The following USH2A variants were observed in gnomAD, a reference collection of about 807,000 sequenced individuals.
The protein encoded by USH2A is Usher syndrome 2A (autosomal recessive, mild).
A neutral mutation model predicts 538.9 loss-of-function variants in USH2A; 443 were observed. That is an observed-to-expected ratio of 0.82 (90% CI 0.76 to 0.89). USH2A has a LOEUF of 0.89. USH2A is among the 40% of genes least tolerant of loss of function. The pLI is 0.00. For missense variants in USH2A, 6,633 were observed against 6,324.8 expected, an observed-to-expected ratio of 1.05 and a Z score of -1.65; for synonymous variants, 2,413 against 2,273.5, an observed-to-expected ratio of 1.06 and a Z score of -1.75.
Position 215,900,830 on chromosome 1 carries a change from G to C in USH2A, c.7376C>G (p.Ala2459Gly), listed in dbSNP as rs1281618285. ...GGGAGAGCCAGGAGCGTTATTACGA[G>C]CTGGTGTAGACCAGACAACCTGAAG... The part of the protein sequence containing the change: ...TSLQVVWSTP[A>G]RNNAPGSPRY... The change falls in exon 39 of 72, where the codon GCT becomes GGT. Residue 2459 changes from alanine to glycine, a missense_variant. Transcript: ENST00000307340. 10 of 1,613,734 alleles carry C rather than the reference G, an allele frequency of 6.2e-6. No individual in the cohort carries two copies. In the Admixed American group the frequency reaches 6.7e-5, roughly 11 times the overall value.
intron 4 of USH2A, among the ~76,000 whole-genome samples, chr1:216,350,883 C>T (rs540502188): frequency 3.5e-4 from 54 of 152,298 alleles, no homozygotes; most frequent in Non-Finnish European, 6.3e-4. Flanking sequence ...TTCCCCTTTT[C>T]GCTGCCCTAA....
intron 61 of USH2A, among the ~76,000 whole-genome samples, chr1:215,695,249 G>C (rs1013351017): frequency 3.9e-5 from 6 of 152,184 alleles, no homozygotes; most frequent in Admixed American, 3.9e-4. Flanking sequence ...ATATAAGATG[G>C]AGAAGGGCAG....
chr1:215,874,470 T>G (rs982962177), intron 43 of USH2A, among the ~76,000 whole-genome samples: 8 of 152,194 alleles, frequency 5.3e-5, no homozygotes, highest in African/African-American at 1.9e-4. Flanking sequence ...GAGACTGTTT[T>G]GTACATGTAG....
At chr1:216,295,077 T>G (rs1432845535) in intron 9 of USH2A, among the ~76,000 whole-genome samples, 3 of 151,822 alleles carry the variant, frequency 2.0e-5, no homozygotes, top group Non-Finnish European at 3.0e-5. Context: ...TAATTATCTT[T>G]TTACTCATTT....
chr1:216,204,728 A>T (rs2035075011), intron 16 of USH2A, among the ~76,000 whole-genome samples: 1 of 152,190 alleles, frequency 6.6e-6, no homozygotes, highest in African/African-American at 2.4e-5. Context: ...CATGTTACAC[A>T]TGCTAGCCAC....
At position 215,728,403 on chromosome 1, in the gene USH2A, G is replaced by A; in HGVS notation, c.11712-19C>T. ...AGGGCGTCTGAAAGGAAACCAAGCA[G>A]GCAACCAGTGACAGCTGCACACTTC... is the stretch of plus-strand genomic sequence containing the variant. On this transcript the variant is annotated intron_variant, in intron 60 of 71. Transcript: ENST00000307340. 1 of 1,611,918 alleles carries A rather than the reference G, an allele frequency of 6.2e-7. No individual in the cohort carries two copies. Among genetic ancestry groups the A allele is most frequent in the Non-Finnish European group, 8.5e-7 (1 of 1,178,638 alleles).
chr1:216,401,048 C>T (rs1297335900), intron 3 of USH2A, among the ~76,000 whole-genome samples: 1 of 152,006 alleles, frequency 6.6e-6, no homozygotes, highest in African/African-American at 2.4e-5. Context: ...GACTTTCCCT[C>T]TTATTAGTTT....
Position 215,647,655 on chromosome 1 carries a change from C to A in USH2A, c.14658G>T (p.Lys4886Asn), listed in dbSNP as rs1394766722. The change falls in exon 67 of 72, where the codon AAG becomes AAT. Residue 4886 changes from lysine to asparagine, a missense_variant. Transcript: ENST00000307340. The stretch of plus-strand genomic sequence containing the variant: ...TGGCTTTCTGCCCCAGCCCCGTGTA[C>A]TTTGTTTCTATTTGGCTGGGAGTAC... ...LPCTPSQIET[K>N]YTGLGQKASL... The A allele has an allele frequency of 2.5e-6, 4 of 1,614,028 alleles. No individual in the cohort carries two copies. The African/African-American group carries it at 4.0e-5, about 16-fold the overall frequency.
At chr1:216,151,767 C>T (rs1048793846) in intron 21 of USH2A, among the ~76,000 whole-genome samples, 1 of 152,122 alleles carries the variant, frequency 6.6e-6, no homozygotes, top group Admixed American at 6.5e-5. Context: ...TGTATGACAA[C>T]ATAAAAAAAC....
Position 216,000,470 on chromosome 1 carries a change from G to C in USH2A, c.6418C>G (p.Gln2140Glu). The C allele has an allele frequency of 6.2e-7, 1 of 1,613,738 alleles. No individual in the cohort carries two copies. Among genetic ancestry groups the C allele is most frequent in the Non-Finnish European group, 8.5e-7 (1 of 1,179,736 alleles). Residue 2140 changes from glutamine to glutamate, a missense_variant, in exon 33 of 72, where the codon CAG (glutamine) becomes GAG (glutamate). Transcript: ENST00000307340. Reference protein sequence around the residue: ...NSSWVLLYTAQLPPEHVDSPV... With the variant: ...NSSWVLLYTAELPPEHVDSPV... ...GAATCCACGTGTTCTGGTGGCAGCT[G>C]TGCTGTGTACAGTAGGACCCAGGAA... is the stretch of plus-strand genomic sequence containing the variant.
chr1:216,253,846 CT>C (rs1257081356), intron 11 of USH2A, among the ~76,000 whole-genome samples: 3 of 152,152 alleles, frequency 2.0e-5, no homozygotes, highest in African/African-American at 7.2e-5. Flanking sequence ...TTTAGTTTCC[CT>C]ATAGCTAGAG....
chr1:215,679,809 C>G (rs1470286129), intron 62 of USH2A, among the ~76,000 whole-genome samples: 1 of 152,194 alleles, frequency 6.6e-6, no homozygotes, highest in Non-Finnish European at 1.5e-5. Context: ...ATGTGAGTTC[C>G]TGGCTTCAAA....
At chr1:216,375,068 A>G (rs1336916086) in intron 3 of USH2A, among the ~76,000 whole-genome samples, 1 of 152,154 alleles carries the variant, frequency 6.6e-6, no homozygotes, top group African/African-American at 2.4e-5. Context: ...CTAGATAGAT[A>G]GATTAGATAG....
intron 38 of USH2A, among the ~76,000 whole-genome samples, chr1:215,916,849 C>T (rs1029207860): frequency 2.0e-5 from 3 of 152,068 alleles, no homozygotes; most frequent in African/African-American, 7.2e-5. Flanking sequence ...CAAGGTAATA[C>T]ACCTCCACCT....
At chr1:215,985,692 T>G (rs1667854617) in intron 35 of USH2A, among the ~76,000 whole-genome samples, 1 of 152,172 alleles carries the variant, frequency 6.6e-6, no homozygotes, top group African/African-American at 2.4e-5. Context: ...TAATTTGTAT[T>G]TATACATATA....
intron 61 of USH2A, among the ~76,000 whole-genome samples, chr1:215,721,191 C>T (rs923580536): frequency 6.6e-6 from 1 of 152,148 alleles, no homozygotes; most frequent in African/African-American, 2.4e-5. Context: ...TCCCCTGCCT[C>T]AGCCTCCAGA....
rs534032016 is a variant in USH2A, at chr1:216,271,928, T to C, written c.1971+17352A>G. Among the ~76,000 whole-genome samples the C allele has an allele frequency of 2.6e-5, 4 of 152,274 alleles. No individual in the cohort carries two copies. The South Asian group carries it at 8.3e-4, about 32-fold the overall frequency. On this transcript the variant is annotated intron_variant, in intron 11 of 71. Transcript: ENST00000307340. The stretch of plus-strand genomic sequence containing the variant: ...TCCATTTGCTAATATGCTGTTAAGG[T>C]ATTTTACATCTATGTTCATATGGAA...
chr1:215,856,832 G>GGTGTGTGTGT (rs71159889), intron 44 of USH2A, among the ~76,000 whole-genome samples: 15 of 141,998 alleles, frequency 1.1e-4, no homozygotes, highest in South Asian at 7.3e-4. Flanking sequence ...AAAAAAATTT[G>GGTGTGTGTGT]GTGTGTGTGT....
intron 60 of USH2A, among the ~76,000 whole-genome samples, chr1:215,735,374 T>C (rs1183254103): frequency 6.6e-6 from 1 of 152,232 alleles, no homozygotes; most frequent in African/African-American, 2.4e-5. Context: ...ACTTACTAAT[T>C]ATTTATATTA....
Sources: allele counts gnomAD v4.1 joint callset (sites outside exome capture counted in the v4.1 genomes callset), GRCh38; gene constraint gnomAD v4.1.1; transcripts MANE v1.5; gene names NCBI Gene and HGNC (gene_info 2026-07-23, HGNC 2026-07-21).